The following TRPC5 variants were observed in gnomAD, a reference collection of about 807,000 sequenced individuals.
TRPC5 encodes short transient receptor potential channel 5.
Under a neutral mutation model 56.5 loss-of-function variants are expected in TRPC5, and 9 were observed. The ratio of observed to expected loss-of-function variants is 0.16; its 90% CI spans 0.10 to 0.28. TRPC5 has a LOEUF of 0.28. TRPC5 is among the 10% of genes least tolerant of loss of function. The pLI, the probability that TRPC5 is intolerant of heterozygous loss-of-function variation, is 1.00. For synonymous variants in TRPC5, 282 were observed against 278.5 expected (o/e 1.01, Z -0.13); for missense variants, 469 against 748.9 (o/e 0.63, Z 4.36).
chrX:111,941,883 T>C lies in TRPC5; in HGVS notation c.378+10160A>G, dbSNP rs747545782. Among the ~76,000 whole-genome samples, 22 of 112,292 alleles carry C rather than the reference T, an allele frequency of 2.0e-4. No homozygotes were observed. In the South Asian group the frequency reaches 6.4e-3, roughly 32 times the overall value. ...AGCTCCCTAAACTGGGCTCAGTGTCTGTGAGGACTGTGGGACTCTGCTGTA... is the reference window on the plus strand; with the variant it reads ...AGCTCCCTAAACTGGGCTCAGTGTCCGTGAGGACTGTGGGACTCTGCTGTA... On this transcript the variant is annotated intron_variant, in intron 2 of 10. Coordinates refer to ENST00000262839, the MANE Select transcript of TRPC5 (RefSeq NM_012471.3).
At chrX:111,910,464 G>T (rs1454989677) in intron 3 of TRPC5, among the ~76,000 whole-genome samples, 1 of 111,941 alleles carries the variant, frequency 8.9e-6, no homozygotes, top group Non-Finnish European at 1.9e-5. Context: ...CCATTTTACT[G>T]CACAGAATTA....
At chrX:111,909,386 C>T (rs931989348) in intron 3 of TRPC5, among the ~76,000 whole-genome samples, 7 of 108,554 alleles carry the variant, frequency 6.4e-5, no homozygotes, top group Admixed American at 3.0e-4. Context: ...TAAGTGTGTC[C>T]TTGTGAAATA....
chrX:111,883,520 G>A (rs1924330360), intron 3 of TRPC5, among the ~76,000 whole-genome samples: 1 of 112,790 alleles, frequency 8.9e-6, no homozygotes, highest in Non-Finnish European at 1.9e-5. Context: ...GACCTAGCTA[G>A]AGCCTAAGCC....
intron 6 of TRPC5, among the ~76,000 whole-genome samples, chrX:111,842,169 G>A (rs1178348593): frequency 7.1e-5 from 6 of 84,916 alleles, no homozygotes; most frequent in South Asian, 1.0e-3. Context: ...ATGGAGTCTC[G>A]CTCTGTTGCC....
At chrX:112,055,401 T>C (rs992008043) in intron 1 of TRPC5, among the ~76,000 whole-genome samples, 23 of 111,606 alleles carry the variant, frequency 2.1e-4, no homozygotes, top group Non-Finnish European at 3.8e-4. Context: ...GGTATCTTTT[T>C]TTTTGGCGGT....
intron 1 of TRPC5, among the ~76,000 whole-genome samples, chrX:112,045,543 A>T (rs1929996043): frequency 8.9e-6 from 1 of 111,931 alleles, no homozygotes; most frequent in Non-Finnish European, 1.9e-5. Flanking sequence ...GTGGTATGAA[A>T]ATTAAAGGCC....
intron 3 of TRPC5, among the ~76,000 whole-genome samples, chrX:111,891,470 C>T (rs1481650694): frequency 1.8e-5 from 2 of 112,156 alleles, no homozygotes; most frequent in African/African-American, 3.2e-5. Flanking sequence ...GAGTCAGTTA[C>T]CCTCTTTGGT....
chrX:112,077,760 T>C (rs1930867777), intron 1 of TRPC5, among the ~76,000 whole-genome samples: 1 of 112,461 alleles, frequency 8.9e-6, no homozygotes, highest in Non-Finnish European at 1.9e-5. Flanking sequence ...GTGGGATTAA[T>C]GAAAATTAGG....
chrX:111,793,869 T>C (rs1303056601), intron 7 of TRPC5, among the ~76,000 whole-genome samples: 1 of 112,070 alleles, frequency 8.9e-6, no homozygotes, highest in Non-Finnish European at 1.9e-5. Context: ...TAATCTGGCA[T>C]TAAAGAGGAA....
chrX:111,834,860 A>G (rs1278658246), intron 7 of TRPC5, 61 bp downstream of exon 7: 7 of 916,584 alleles, frequency 7.6e-6, no homozygotes, highest in Non-Finnish European at 1.1e-5. Flanking sequence ...AATGAACTCT[A>G]TGCCGATGTT....
chrX:111,862,805 C>T (rs950221812), intron 3 of TRPC5, among the ~76,000 whole-genome samples: 4 of 112,037 alleles, frequency 3.6e-5, no homozygotes, highest in African/African-American at 9.7e-5. Flanking sequence ...CTCTAGTCCA[C>T]GAACATGGAA....
At chrX:111,968,625 C>G (rs1319199129) in intron 1 of TRPC5, among the ~76,000 whole-genome samples, 1 of 109,262 alleles carries the variant, frequency 9.2e-6, no homozygotes, top group African/African-American at 3.3e-5. Flanking sequence ...CACATATACC[C>G]CATGGAATAC....
chrX:111,778,856 A>G, intron 10 of TRPC5, 129 bp downstream of exon 10: 1 of 417,527 alleles, frequency 2.4e-6, no homozygotes, highest in Non-Finnish European at 4.1e-6. Flanking sequence ...TTCTAAGAGA[A>G]TAAGCATTAT....
At chrX:111,786,386 G>A (rs1440376036) in intron 7 of TRPC5, among the ~76,000 whole-genome samples, 1 of 111,277 alleles carries the variant, frequency 9.0e-6, no homozygotes, top group Non-Finnish European at 1.9e-5. Flanking sequence ...GTCACCACCA[G>A]GCCTGCCTTA....
In TRPC5 at chrX:111,903,588, A is replaced by C. The variant is rs753483099; in HGVS notation, c.900+8703T>G. ...TTAGTCCACTGACTGGATATCGCTG[A>C]TTGAAATCCTGCATCTCCTCCAGGA... On this transcript the variant is annotated intron_variant, in intron 3 of 10. Coordinates refer to ENST00000262839, the MANE Select transcript of TRPC5 (RefSeq NM_012471.3). 9 of 112,515 alleles carry C rather than the reference A, an allele frequency of 8.0e-5. No individual in the cohort carries two copies. The South Asian group carries it at 3.4e-3, about 42-fold the overall frequency. 9.3% of individuals were successfully genotyped at this position (112,515 alleles called of 1,213,427 possible). A position where few individuals can be genotyped will look rare whatever the true frequency, so the allele number is the denominator to read the frequency against.
At chrX:111,935,786 A>T (rs1229169092) in intron 2 of TRPC5, among the ~76,000 whole-genome samples, 1 of 111,054 alleles carries the variant, frequency 9.0e-6, no homozygotes, top group Non-Finnish European at 1.9e-5. Context: ...TTGTAGATAT[A>T]TGGGTTTATT....
At chrX:111,852,200 C>T in intron 5 of TRPC5, 98 bp downstream of exon 5, 1 of 815,834 alleles carries the variant, frequency 1.2e-6, no homozygotes, top group East Asian at 3.3e-5. Context: ...GAGCCATCAT[C>T]ATCATCACTT....
intron 9 of TRPC5, among the ~76,000 whole-genome samples, chrX:111,780,688 A>G (rs906490385): frequency 4.7e-5 from 3 of 63,763 alleles, no homozygotes; most frequent in Non-Finnish European, 1.0e-4. Flanking sequence ...AAATCTGCCT[A>G]TAAGTCGATC....
intron 1 of TRPC5, among the ~76,000 whole-genome samples, chrX:112,075,042 AT>A (rs1186425264): frequency 8.9e-6 from 1 of 112,704 alleles, no homozygotes; most frequent in Non-Finnish European, 1.9e-5. Context: ...TCCTAGATGT[AT>A]AAACAAATAT....
Sources: gnomAD v4.1 joint callset for allele counts (sites outside exome capture counted in the v4.1 genomes callset) on GRCh38, gnomAD v4.1.1 for gene constraint, MANE v1.5 for transcripts, NCBI Gene and HGNC (gene_info 2026-07-23, HGNC 2026-07-21) for gene names.